The following C6orf163 variants were observed in gnomAD, a reference collection of about 807,000 sequenced individuals.
The protein encoded by C6orf163 is uncharacterized protein C6orf163.
C6orf163 carries 22 observed loss-of-function variants against 28.4 expected under a neutral mutation model. The observed-to-expected ratio is 0.78, with a 90% CI of 0.55 to 1.11. The LOEUF (loss-of-function observed/expected upper bound fraction) is 1.11, where lower values mean the gene tolerates loss of function less well. Ranked by LOEUF, C6orf163 falls within the 50% of genes least tolerant of loss-of-function variation. C6orf163 has a pLI of 0.00. For missense variants in C6orf163, 342 were observed against 389.1 expected (o/e 0.88, Z 1.02); for synonymous variants, 110 against 123.6 (o/e 0.89, Z 0.73).
At chr6:87,363,449 A>T (rs533177699) in intron 4 of C6orf163, among the ~76,000 whole-genome samples, 3 of 151,444 alleles carry the variant, frequency 2.0e-5, no homozygotes, top group South Asian at 4.2e-4. Context: ...GCACCCATTA[A>T]CTCGTCATTT....
At chr6:87,348,104 G>A (rs772632203) in intron 1 of C6orf163, 23 of 758,144 alleles carry the variant, frequency 3.0e-5, no homozygotes, top group South Asian at 3.0e-4. Flanking sequence ...GCAGTGAGCC[G>A]AAATGGCGAC....
At chr6:87,350,265 T>G in intron 2 of C6orf163, 129 bp from the exon 3 acceptor site, 1 of 645,700 alleles carries the variant, frequency 1.5e-6, no homozygotes, top group Non-Finnish European at 2.7e-6. Context: ...GGCAAGAAAT[T>G]AGGGACTCCA....
rs1337383886 is a variant in C6orf163 at position 87,359,782 on chromosome 6, CTAT to C, written c.554+3281_554+3283del. Among the ~76,000 whole-genome samples, 4 of 152,180 alleles carry C rather than the reference CTAT, an allele frequency of 2.6e-5. No homozygotes were observed. In the East Asian group the frequency reaches 7.7e-4, roughly 29 times the overall value. ...CTATAAATTTGGACACACACTACAA[CTAT>C]TTTGAAAATAGTTACTTTTCTGGCC... is the stretch of plus-strand genomic sequence containing the variant. On this transcript the variant is annotated intron_variant, in intron 4 of 4. Transcript: ENST00000388923.
At chr6:87,347,835 T>A (rs1455521876) in intron 1 of C6orf163, 1 of 985,400 alleles carries the variant, frequency 1.0e-6, no homozygotes, top group Non-Finnish European at 1.2e-6. Flanking sequence ...CAGATAGCTC[T>A]AAGAATCTAT....
At chr6:87,363,711 G>A (rs1582112520) in intron 4 of C6orf163, among the ~76,000 whole-genome samples, 1 of 151,880 alleles carries the variant, frequency 6.6e-6, no homozygotes, top group Non-Finnish European at 1.5e-5. Context: ...ATTCCATGGT[G>A]TATATGTGCC....
At chr6:87,349,793 A>G (rs537762490) in intron 2 of C6orf163, among the ~76,000 whole-genome samples, 1 of 152,344 alleles carries the variant, frequency 6.6e-6, no homozygotes, top group East Asian at 1.9e-4. Context: ...AAATCTTTGT[A>G]GTCATCTATT....
intron 4 of C6orf163, among the ~76,000 whole-genome samples, chr6:87,362,026 C>T (rs1777587179): frequency 6.6e-6 from 1 of 152,140 alleles, no homozygotes; most frequent in Non-Finnish European, 1.5e-5. Flanking sequence ...TGCTACCCTC[C>T]TGACGAAAAA....
intron 4 of C6orf163, chr6:87,359,324 A>T (rs962648922): frequency 6.6e-6 from 1 of 152,242 alleles, no homozygotes; most frequent in Non-Finnish European, 1.5e-5. Flanking sequence ...AGAAAGTATG[A>T]TGTATAATGA....
intron 3 of C6orf163, among the ~76,000 whole-genome samples, chr6:87,351,158 T>C (rs1261383706): frequency 1.3e-5 from 2 of 152,212 alleles, no homozygotes; most frequent in Non-Finnish European, 2.9e-5. Flanking sequence ...CTAGGATTCA[T>C]TGTTAGTTCA....
At chr6:87,345,908 C>T (rs1304652875) in intron 1 of C6orf163, among the ~76,000 whole-genome samples, 1 of 48,350 alleles carries the variant, frequency 2.1e-5, no homozygotes, top group African/African-American at 5.7e-5. Context: ...CAGAGCGAGA[C>T]TCTGCCTCAA....
chr6:87,351,274 C>T (rs998144813), intron 3 of C6orf163, among the ~76,000 whole-genome samples: 1 of 152,158 alleles, frequency 6.6e-6, no homozygotes. Context: ...TGACAATACA[C>T]GGGCAGAAGC....
chr6:87,351,771 G>A (rs948775013), intron 3 of C6orf163, among the ~76,000 whole-genome samples: 1 of 152,162 alleles, frequency 6.6e-6, no homozygotes, highest in African/African-American at 2.4e-5. Flanking sequence ...TGCTTCCCCA[G>A]CAGACTCCTG....
At chr6:87,356,761 G>T (rs543410766) in intron 4 of C6orf163, 5 of 392,342 alleles carry the variant, frequency 1.3e-5, no homozygotes, top group East Asian at 8.8e-5. Context: ...TAAAGCTCTC[G>T]TGTGTTCTTC....
At chr6:87,364,541 A>T (rs1227838351) in intron 4 of C6orf163, among the ~76,000 whole-genome samples, 1 of 152,184 alleles carries the variant, frequency 6.6e-6, no homozygotes, top group African/African-American at 2.4e-5. Context: ...GATTAAAGCT[A>T]AATCTATCCT....
intron 3 of C6orf163, among the ~76,000 whole-genome samples, chr6:87,353,818 A>C (rs1187843565): frequency 6.6e-6 from 1 of 152,176 alleles, no homozygotes; most frequent in African/African-American, 2.4e-5. Flanking sequence ...TTATTTGGCA[A>C]CCTAAACCCA....
chr6:87,364,056 G>T (rs963597256), intron 4 of C6orf163, among the ~76,000 whole-genome samples: 1 of 152,246 alleles, frequency 6.6e-6, no homozygotes, highest in Admixed American at 6.5e-5. Flanking sequence ...GGCCAGGGCG[G>T]GTGGATCACT....
At position 87,345,163 on chromosome 6, in the gene C6orf163, C is replaced by T. The variant is rs143475317; in HGVS notation, c.64C>T (p.Pro22Ser). The change falls in exon 1 of 5, where the codon CCA becomes TCA. Residue 22 changes from proline to serine, a missense_variant. Pro to Ser is a moderately conservative substitution (Grantham distance 74). Coordinates refer to ENST00000388923, the MANE Select transcript of C6orf163 (RefSeq NM_001010868.3). Reference sequence around the variant, plus strand: ...TGCTGTTTGTAATAAAATAATTCCACCAGCCCCTTTTGGAAAAACCTTCAA... The same window carrying T: ...TGCTGTTTGTAATAAAATAATTCCATCAGCCCCTTTTGGAAAAACCTTCAA... ...CCAVCNKIIP[P>S]APFGKTFKRI... 8.1e-5 allele frequency: 124 copies of T among 1,536,602 alleles called. 1 individual carries two copies. The African/African-American group carries it at 1.6e-3, about 19-fold the overall frequency.
chr6:87,349,831 T>G (rs1777383099), intron 2 of C6orf163, among the ~76,000 whole-genome samples: 1 of 152,238 alleles, frequency 6.6e-6, no homozygotes, highest in Non-Finnish European at 1.5e-5. Flanking sequence ...TCAAACTGAT[T>G]GTGAACCATC....
At chr6:87,347,884 G>A in intron 1 of C6orf163, 1 of 985,222 alleles carries the variant, frequency 1.0e-6, no homozygotes, top group Non-Finnish European at 1.2e-6. Flanking sequence ...GACCAGGCAT[G>A]GTGGCTCACG....
Sources: gnomAD v4.1 joint callset for allele counts (sites outside exome capture counted in the v4.1 genomes callset) on GRCh38, gnomAD v4.1.1 for gene constraint, MANE v1.5 for transcripts, NCBI Gene and HGNC (gene_info 2026-07-23, HGNC 2026-07-21) for gene names.